ABHD12: variants seen among roughly 807,000 people sequenced by gnomAD.
The protein encoded by ABHD12 is lysophosphatidylserine lipase ABHD12.
Under a neutral mutation model 58.3 loss-of-function variants are expected in ABHD12, and 43 were observed. That is an observed-to-expected ratio of 0.74 (90% CI 0.58 to 0.95). The LOEUF is 0.95. Among genes scored for constraint, ABHD12 ranks in the 40% least tolerant of loss-of-function variants. The probability of loss-of-function intolerance (pLI) is 0.00; values close to 1 mark genes in which losing one functional copy is unlikely to be tolerated. For missense variants in ABHD12, 539 were observed against 537.2 expected, an observed-to-expected ratio of 1.00 and a Z score of -0.03; for synonymous variants, 219 against 211.2, an observed-to-expected ratio of 1.04 and a Z score of -0.32.
chr20:25,325,407 C>A (rs1470871193), intron 2 of ABHD12, among the ~76,000 whole-genome samples: 2 of 152,138 alleles, frequency 1.3e-5, no homozygotes, highest in Admixed American at 1.3e-4. Flanking sequence ...CCCCCAGTAC[C>A]TAAGAGTGTG....
chr20:25,369,674 G>A (rs1239833937), intron 1 of ABHD12, among the ~76,000 whole-genome samples: 1 of 152,214 alleles, frequency 6.6e-6, no homozygotes, highest in African/African-American at 2.4e-5. Context: ...AGTGAGCACT[G>A]ATGTTGTGTC....
chr20:25,299,087 C>T (rs1285477134), downstream of ABHD12, among the ~76,000 whole-genome samples: 1 of 83,206 alleles, frequency 1.2e-5, no homozygotes, highest in Non-Finnish European at 2.1e-5. Flanking sequence ...TTATCTGCAT[C>T]ATCTCAGTTT....
At chr20:25,301,877 G>T (rs998508296) in intron 12 of ABHD12, among the ~76,000 whole-genome samples, 112 of 152,368 alleles carry the variant, frequency 7.4e-4, no homozygotes, top group Middle Eastern at 3.4e-3. Context: ...CGTCTTGAGA[G>T]GTGTGTGGAA....
chr20:25,356,622 G>A (rs971016337), intron 1 of ABHD12, among the ~76,000 whole-genome samples: 11 of 152,308 alleles, frequency 7.2e-5, no homozygotes, highest in South Asian at 2.1e-4. Flanking sequence ...TTCCTTTGAC[G>A]GGGGAGGAAG....
chr20:25,376,730 G>C (rs1024154652), intron 1 of ABHD12, among the ~76,000 whole-genome samples: 1 of 152,246 alleles, frequency 6.6e-6, no homozygotes, highest in Middle Eastern at 3.4e-3. Flanking sequence ...ACTGGGATTT[G>C]TCCCACTCTT....
intron 1 of ABHD12, chr20:25,368,393 T>C (rs2089852948): frequency 1.3e-6 from 2 of 1,592,778 alleles, no homozygotes; most frequent in African/African-American, 1.3e-5. Context: ...ACAGACCACA[T>C]GCTTGCCATC....
At chr20:25,385,505 C>G (rs1349164952) in intron 1 of ABHD12, among the ~76,000 whole-genome samples, 2 of 151,934 alleles carry the variant, frequency 1.3e-5, no homozygotes, top group Non-Finnish European at 2.9e-5. Flanking sequence ...ATAGCAAATT[C>G]TAAACAGACG....
intron 1 of ABHD12, among the ~76,000 whole-genome samples, chr20:25,389,161 T>TG (rs761134704): frequency 2.0e-5 from 3 of 152,020 alleles, no homozygotes; most frequent in Non-Finnish European, 4.4e-5. Context: ...ATGCCATGTC[T>TG]GTTAATAAAA....
At chr20:25,314,572 G>C (rs529419442) in intron 6 of ABHD12, among the ~76,000 whole-genome samples, 2 of 151,724 alleles carry the variant, frequency 1.3e-5, no homozygotes, top group Non-Finnish European at 2.9e-5. Context: ...ACAGCTACTC[G>C]AGAGCCTAAG....
chr20:25,340,137 T>G (rs531384963), intron 1 of ABHD12, among the ~76,000 whole-genome samples: 1 of 152,382 alleles, frequency 6.6e-6, no homozygotes, highest in East Asian at 1.9e-4. Flanking sequence ...CTTTACTTCT[T>G]ATTTGACAGA....
At position 25,300,678 on chromosome 20, in the gene ABHD12, G is replaced by C; in HGVS notation, c.*167C>G. On this transcript the variant is annotated 3_prime_UTR_variant, in exon 13 of 13. Transcript: ENST00000339157. The stretch of plus-strand genomic sequence containing the variant: ...CATGCTCAGGCCTCCGGGCACTGCA[G>C]GCCTGCAGGGGCCTCCCCGCCTGGG... 1 of 1,527,446 alleles carries C rather than the reference G, an allele frequency of 6.5e-7. No homozygotes were observed. Among genetic ancestry groups the C allele is most frequent in the Non-Finnish European group, 8.8e-7 (1 of 1,141,594 alleles). The allele number at this position is 1,527,446 out of a possible 1,614,324, so 94.6% of individuals were successfully genotyped here.
intron 1 of ABHD12, among the ~76,000 whole-genome samples, chr20:25,386,600 C>T (rs1248681034): frequency 6.6e-6 from 1 of 151,916 alleles, no homozygotes; most frequent in East Asian, 1.9e-4. Flanking sequence ...AATAAATAGG[C>T]CAGGTGCGGT....
chr20:25,387,352 C>T (rs987669497), intron 1 of ABHD12, among the ~76,000 whole-genome samples: 10 of 151,790 alleles, frequency 6.6e-5, no homozygotes, highest in Admixed American at 2.0e-4. Flanking sequence ...CTTGAAGTCA[C>T]GAGTTGGAGA....
intron 1 of ABHD12, among the ~76,000 whole-genome samples, chr20:25,355,586 G>A (rs949151615): frequency 1.3e-5 from 2 of 151,996 alleles, no homozygotes; most frequent in African/African-American, 4.8e-5. Context: ...TTTTGAGACA[G>A]TCTTGCTCTG....
chr20:25,386,801 A>G (rs2090097285), intron 1 of ABHD12, among the ~76,000 whole-genome samples: 1 of 151,898 alleles, frequency 6.6e-6, no homozygotes, highest in Non-Finnish European at 1.5e-5. Context: ...GAATTGCTTG[A>G]ACCTGGGAGG....
At chr20:25,372,772 T>A (rs2089914777) in intron 1 of ABHD12, among the ~76,000 whole-genome samples, 1 of 152,218 alleles carries the variant, frequency 6.6e-6, no homozygotes, top group South Asian at 2.1e-4. Flanking sequence ...GTGAAAAGCA[T>A]TACTCACATT....
At position 25,369,106 on chromosome 20, in the gene ABHD12, G is replaced by A. The variant is rs1244064053; in HGVS notation, c.191+21407C>T. Among the ~76,000 whole-genome samples the A allele has an allele frequency of 2.0e-5, 3 of 151,756 alleles. No individual in the cohort carries two copies. In the East Asian group the frequency reaches 5.8e-4, roughly 29 times the overall value. ...GTAGTCCAGCCTGGGTGACAGAGAA[G>A]GACCACATTTCAAAAGTAAAAAAAA... On this transcript the variant is annotated intron_variant, in intron 1 of 12. Transcript: ENST00000339157.
At chr20:25,385,418 T>C (rs2090076483) in intron 1 of ABHD12, among the ~76,000 whole-genome samples, 1 of 145,592 alleles carries the variant, frequency 6.9e-6, no homozygotes, top group Non-Finnish European at 1.5e-5. Context: ...GAAATGGCCA[T>C]AGCTACAGAG....
intron 5 of ABHD12, among the ~76,000 whole-genome samples, chr20:25,316,141 A>G (rs778257806): frequency 5.4e-5 from 8 of 149,518 alleles, no homozygotes; most frequent in African/African-American, 7.4e-5. Context: ...TAGCACCTGG[A>G]GCACCTGGTT....
Sources: allele counts gnomAD v4.1 joint callset (sites outside exome capture counted in the v4.1 genomes callset), GRCh38; gene constraint gnomAD v4.1.1; transcripts MANE v1.5; gene names NCBI Gene and HGNC (gene_info 2026-07-23, HGNC 2026-07-21).